GALNT18: variants seen among roughly 807,000 people sequenced by gnomAD.
The protein encoded by GALNT18 is GalNAc-transferase 18.
In GALNT18, 44 loss-of-function variants were observed where a neutral mutation model predicts 69.5. The observed-to-expected ratio is 0.63, with a 90% confidence interval of 0.50 to 0.81. The LOEUF (loss-of-function observed/expected upper bound fraction) is 0.81. GALNT18 is among the 40% of genes least tolerant of loss of function. The pLI, the probability that GALNT18 is intolerant of heterozygous loss-of-function variation, is 0.00. For synonymous variants in GALNT18, 364 were observed against 318.2 expected (o/e 1.14, Z -1.53); for missense variants, 715 against 810.0 (o/e 0.88, Z 1.42).
chr11:11,555,324 CAG>C lies in GALNT18; in HGVS notation c.235+66033_235+66034del, dbSNP rs1858305337. Among the ~76,000 whole-genome samples the C allele has an allele frequency of 6.6e-6, 1 of 152,206 alleles. No homozygotes were observed. The highest frequency in any genetic ancestry group is 1.5e-5 in the Non-Finnish European group (1 of 68,046). ...CTAGCTAGAGAGCATTTTCCTGACA[CAG>C]TGTAAACGTTTGCCAGAAACAGGCT... On this transcript the variant is annotated intron_variant, in intron 1 of 10. Transcript: ENST00000227756. This position sits in a 1 kb window ranked among gnomAD's most constrained non-coding sequence, Gnocchi z 4.7.
intron 6 of GALNT18, among the ~76,000 whole-genome samples, chr11:11,353,763 C>T (rs1430131483): frequency 1.3e-5 from 2 of 152,108 alleles, no homozygotes; most frequent in Non-Finnish European, 2.9e-5. Context: ...AAGGGTGTTG[C>T]CATGATAAGC....
chr11:11,458,393 A>T (rs1260573978), intron 1 of GALNT18, among the ~76,000 whole-genome samples: 1 of 152,224 alleles, frequency 6.6e-6, no homozygotes, highest in Non-Finnish European at 1.5e-5. Context: ...GTACAATTCA[A>T]TGATTTTTTT....
At chr11:11,471,274 T>C (rs1404437814) in intron 1 of GALNT18, among the ~76,000 whole-genome samples, 1 of 152,150 alleles carries the variant, frequency 6.6e-6, no homozygotes, top group African/African-American at 2.4e-5. Context: ...GCTCAGCACC[T>C]AATAGATGCA....
chr11:11,575,208 G>T (rs1858893050), intron 1 of GALNT18, among the ~76,000 whole-genome samples: 1 of 152,208 alleles, frequency 6.6e-6, no homozygotes, highest in Admixed American at 6.5e-5. Context: ...GTCTCTGTGG[G>T]TGGGGTGTGG....
chr11:11,378,241 G>T (rs1051947647), intron 4 of GALNT18, among the ~76,000 whole-genome samples: 10 of 152,202 alleles, frequency 6.6e-5, no homozygotes, highest in Non-Finnish European at 1.5e-4. Flanking sequence ...CTGCTGAAGT[G>T]CCCTTGTCTC....
At chr11:11,525,531 T>C (rs1288939147) in intron 1 of GALNT18, among the ~76,000 whole-genome samples, 1 of 152,036 alleles carries the variant, frequency 6.6e-6, no homozygotes, top group Admixed American at 6.5e-5. Context: ...ACAGGGCTAC[T>C]GATTTTATCT....
At chr11:11,290,497 C>T (rs1288382128) in intron 10 of GALNT18, among the ~76,000 whole-genome samples, 1 of 152,216 alleles carries the variant, frequency 6.6e-6, no homozygotes, top group Non-Finnish European at 1.5e-5. Context: ...CTTCCAGACT[C>T]TTCAGCCGCT....
At chr11:11,414,583 C>T (rs1005930545) in intron 3 of GALNT18, among the ~76,000 whole-genome samples, 4 of 152,202 alleles carry the variant, frequency 2.6e-5, no homozygotes, top group Non-Finnish European at 5.9e-5. Flanking sequence ...GCATGCTCCC[C>T]ACCCCACATT....
At chr11:11,423,813 G>A (rs79094908) in intron 3 of GALNT18, among the ~76,000 whole-genome samples, 2 of 152,204 alleles carry the variant, frequency 1.3e-5, no homozygotes, top group South Asian at 2.1e-4. Flanking sequence ...CCTTAACTTC[G>A]CTGGGTCTGC....
At chr11:11,286,734 C>T (rs1160706150) in intron 10 of GALNT18, among the ~76,000 whole-genome samples, 1 of 152,038 alleles carries the variant, frequency 6.6e-6, no homozygotes, top group Non-Finnish European at 1.5e-5. Flanking sequence ...ACAGTCCTGC[C>T]CTCTAGTCTG....
chr11:11,353,304 G>T, intron 6 of GALNT18: 1 of 685,260 alleles, frequency 1.5e-6, no homozygotes, highest in South Asian at 2.0e-5. Context: ...GATGGAGTGG[G>T]GAGCAATTTT....
At chr11:11,358,239 TA>T (rs1850571165) in intron 6 of GALNT18, among the ~76,000 whole-genome samples, 1 of 140,958 alleles carries the variant, frequency 7.1e-6, no homozygotes, top group African/African-American at 2.6e-5. Flanking sequence ...TATTTCTCTC[TA>T]TCTTAACACC....
At chr11:11,533,663 C>T (rs538667780) in intron 1 of GALNT18, among the ~76,000 whole-genome samples, 24 of 152,320 alleles carry the variant, frequency 1.6e-4, no homozygotes, top group African/African-American at 4.8e-4. Context: ...TTTGTACAAA[C>T]GAAACAGTGT....
At chr11:11,350,259 C>G (rs1173046730) in intron 6 of GALNT18, among the ~76,000 whole-genome samples, 2 of 152,224 alleles carry the variant, frequency 1.3e-5, no homozygotes, top group African/African-American at 4.8e-5. Context: ...CCATCCCATA[C>G]AGGGGGCCTG....
intron 1 of GALNT18, among the ~76,000 whole-genome samples, chr11:11,534,768 G>C (rs779020019): frequency 6.6e-6 from 1 of 152,246 alleles, no homozygotes; most frequent in Non-Finnish European, 1.5e-5. Flanking sequence ...TCCACGCTGT[G>C]TTTACAAATA....
rs939184720 is a variant in GALNT18 at position 11,332,020 on chromosome 11, A to G, written c.1416+674T>C. 8.6e-5 allele frequency among the ~76,000 whole-genome samples: 13 copies of G among 151,922 alleles called. No individual in the cohort carries two copies. The highest frequency in any genetic ancestry group is 2.6e-4 in the Admixed American group (4 of 15,248). On this transcript the variant is annotated intron_variant, in intron 8 of 10. Transcript: ENST00000227756. This position sits in a 1 kb window ranked among gnomAD's most constrained non-coding sequence, Gnocchi z 4.3. The stretch of plus-strand genomic sequence containing the variant: ...ATCTACAAATCTTAGATTTTCTTTT[A>G]CTCTACGGGGATAGTATTGAATTAC...
At chr11:11,566,886 A>G (rs940960216) in intron 1 of GALNT18, among the ~76,000 whole-genome samples, 1 of 152,204 alleles carries the variant, frequency 6.6e-6, no homozygotes, top group Non-Finnish European at 1.5e-5. Context: ...ATGTGAGTAC[A>G]TTTTGATTAC....
Position 11,555,410 on chromosome 11 carries a change from G to C in GALNT18, c.235+65949C>G, listed in dbSNP as rs115197782. 6.6e-6 allele frequency among the ~76,000 whole-genome samples: 1 copy of C among 152,198 alleles called. No individual in the cohort carries two copies. Among genetic ancestry groups the C allele is most frequent in the Non-Finnish European group, 1.5e-5 (1 of 68,038 alleles). ...TCCAGTGCTTAGGAGCTCAGACTGC[G>C]ACAGCATCAGCCCAGGAGTGGCCAC... On this transcript the variant is annotated intron_variant, in intron 1 of 10. Transcript: ENST00000227756. This position sits in a 1 kb window ranked among gnomAD's most constrained non-coding sequence, Gnocchi z 4.7.
At position 11,620,988 on chromosome 11, in the gene GALNT18, CACAG is replaced by C. The variant is rs1371997254; in HGVS notation, c.235+367_235+370del. Among the ~76,000 whole-genome samples, 3 of 151,668 alleles carry C rather than the reference CACAG, an allele frequency of 2.0e-5. No individual in the cohort carries two copies. The highest frequency in any genetic ancestry group is 4.4e-5 in the Non-Finnish European group (3 of 67,932). On this transcript the variant is annotated intron_variant, in intron 1 of 10. Coordinates refer to ENST00000227756, the MANE Select transcript of GALNT18 (RefSeq NM_198516.3). The surrounding 1 kb of genome is among the most constrained non-coding windows in gnomAD (Gnocchi z 6.9). ...GCCCGCGCGTTCCCTCTTGTACACACACAGACATTCACATGCACACACACTCTGA... is the reference window on the plus strand; with the variant it reads ...GCCCGCGCGTTCCCTCTTGTACACACACATTCACATGCACACACACTCTGA...
Sources: allele counts gnomAD v4.1 joint callset (sites outside exome capture counted in the v4.1 genomes callset), GRCh38; gene constraint gnomAD v4.1.1; non-coding constraint Gnocchi (gnomAD v3.1); transcripts MANE v1.5; gene names NCBI Gene and HGNC (gene_info 2026-07-23, HGNC 2026-07-21).